Variants in DDX25 observed in about 807,000 individuals in gnomAD.
The protein encoded by DDX25 is ATP-dependent RNA helicase DDX25.
Under a neutral mutation model 64.6 loss-of-function variants are expected in DDX25, and 70 were observed. The ratio of observed to expected loss-of-function variants is 1.08; its 90% CI spans 0.89 to 1.32. The LOEUF is 1.32. DDX25 is among the 40% of genes most tolerant of loss of function. DDX25 has a pLI of 0.00. For missense variants in DDX25, 587 were observed against 604.4 expected, an observed-to-expected ratio of 0.97 and a Z score of 0.30; for synonymous variants, 211 against 213.3, an observed-to-expected ratio of 0.99 and a Z score of 0.09.
Position 125,904,509 on chromosome 11 carries a change from A to G in DDX25, c.-9A>G, listed in dbSNP as rs2134270162. 1.3e-6 allele frequency: 2 copies of G among 1,484,240 alleles called. No homozygotes were observed. The highest frequency in any genetic ancestry group is 2.6e-5 in the East Asian group (1 of 37,914). 91.9% of individuals were successfully genotyped at this position (1,484,240 alleles called of 1,614,324 possible). On this transcript the variant is annotated 5_prime_UTR_variant, in exon 1 of 12. Transcript: ENST00000263576. ...GCACGTGCTGGGGGCGGGAGCAGCA[A>G]TCGCAGCCATGGCGTCGTTACTGTG...
At position 125,927,820 on chromosome 11, in the gene DDX25, A is replaced by G. The variant is rs1366800535; in HGVS notation, c.*4939A>G. ...TCAATCAGAAGATGAATAGTTAATC[A>G]GATGCTGTAGTTCTGGTTCTTGAAT... On this transcript the variant is annotated 3_prime_UTR_variant, in exon 12 of 12. Coordinates refer to ENST00000263576, the MANE Select transcript of DDX25 (RefSeq NM_013264.5). 1 of 152,202 alleles carries G rather than the reference A, an allele frequency of 6.6e-6. No individual in the cohort carries two copies. The highest frequency in any genetic ancestry group is 1.5e-5 in the Non-Finnish European group (1 of 68,042). 9.4% of individuals were successfully genotyped at this position (152,202 alleles called of 1,614,324 possible).
chr11:125,918,802 A>C lies in DDX25; in HGVS notation c.1201+12A>C. 1.3e-6 allele frequency: 2 copies of C among 1,554,082 alleles called. No individual in the cohort carries two copies. Among genetic ancestry groups the C allele is most frequent in the Non-Finnish European group, 1.7e-6 (2 of 1,147,060 alleles). Reference sequence around the variant, plus strand: ...TGTTTGTGCCCGAGGTGTGTGTTAAAAGTCAGGTCTTGAGTTCTAATTTGC... The same window carrying C: ...TGTTTGTGCCCGAGGTGTGTGTTAACAGTCAGGTCTTGAGTTCTAATTTGC... On this transcript the variant is annotated intron_variant, in intron 10 of 11. Transcript: ENST00000263576.
chr11:125,927,913 C>CCTA lies in DDX25; in HGVS notation c.*5034_*5036dup, dbSNP rs1362554113. On this transcript the variant is annotated 3_prime_UTR_variant, in exon 12 of 12. Transcript: ENST00000263576. ...TTCTAAGATACCATGTTTCCATGACCCTACACACAATAGCTACACAGGTGG... is the reference window on the plus strand; with the variant it reads ...TTCTAAGATACCATGTTTCCATGACCCTACTACACACAATAGCTACACAGGTGG... The CCTA allele has an allele frequency of 6.6e-6, 1 of 152,100 alleles. No homozygotes were observed. Among genetic ancestry groups the CCTA allele is most frequent in the East Asian group, 1.9e-4 (1 of 5,188 alleles). 9.4% of individuals were successfully genotyped at this position (152,100 alleles called of 1,614,324 possible).
chr11:125,907,326 T>G (rs540109308), intron 4 of DDX25, among the ~76,000 whole-genome samples: 1 of 152,160 alleles, frequency 6.6e-6, no homozygotes, highest in African/African-American at 2.4e-5. Flanking sequence ...GTTGAAGTGT[T>G]GGCCGGGCGC....
At chr11:125,904,460 C>T (rs1436080863), upstream of DDX25, 2 of 1,436,652 alleles carry the variant, frequency 1.4e-6, no homozygotes. Flanking sequence ...ATGGGGCCAG[C>T]ACCGCCTCGC....
rs779939645 is a variant in DDX25, at chr11:125,923,184, C to T, written c.*303C>T. ...TTTGGTTGATACAATCTGAGCAGAT[C>T]GTGCCTCTTGGGAGCATCTTACTGT... On this transcript the variant is annotated 3_prime_UTR_variant, in exon 12 of 12. Transcript: ENST00000263576. 13 of 263,920 alleles carry T rather than the reference C, an allele frequency of 4.9e-5. No individual in the cohort carries two copies. Among genetic ancestry groups the T allele is most frequent in the Admixed American group, 2.1e-4 (4 of 19,328 alleles). The allele number at this position is 263,920 out of a possible 1,614,324, so 16.3% of individuals were successfully genotyped here. A position where few individuals can be genotyped will look rare whatever the true frequency, so the allele number is the denominator to read the frequency against.
In DDX25 at chr11:125,924,312, G is replaced by A. The variant is rs757605282; in HGVS notation, c.*1431G>A. ...CCTCATTTAGCAACAGATATTTATT[G>A]TATACCCTTTATGCCAAACACCAGG... is the stretch of plus-strand genomic sequence containing the variant. On this transcript the variant is annotated 3_prime_UTR_variant, in exon 12 of 12. Transcript: ENST00000263576. 2 of 152,324 alleles carry A rather than the reference G, an allele frequency of 1.3e-5. No individual in the cohort carries two copies. Among genetic ancestry groups the A allele is most frequent in the East Asian group, 3.9e-4 (2 of 5,176 alleles). The allele number at this position is 152,324 out of a possible 1,614,324, so 9.4% of individuals were successfully genotyped here.
chr11:125,916,724 G>A (rs1945042458), intron 8 of DDX25, among the ~76,000 whole-genome samples: 2 of 152,142 alleles, frequency 1.3e-5, no homozygotes, highest in African/African-American at 2.4e-5. Context: ...TTGTGGCTGC[G>A]TGAGTCTGCC....
At chr11:125,903,633 G>A (rs1017003699), upstream of DDX25, among the ~76,000 whole-genome samples, 17 of 152,022 alleles carry the variant, frequency 1.1e-4, no homozygotes, top group Admixed American at 1.1e-3. Flanking sequence ...AACAGAGCGG[G>A]GAGCGTTGCT....
intron 1 of DDX25, 106 bp downstream of exon 1, chr11:125,904,686 G>T: frequency 7.9e-7 from 1 of 1,263,466 alleles, no homozygotes. Context: ...TTCGAAGTGG[G>T]GCGTCAGATG....
intron 8 of DDX25, among the ~76,000 whole-genome samples, chr11:125,913,193 T>A (rs1326680865): frequency 6.6e-6 from 1 of 152,226 alleles, no homozygotes; most frequent in Non-Finnish European, 1.5e-5. Context: ...TTTCTCTTTT[T>A]TCCTGCCAAT....
rs75861163 is a variant in DDX25, at chr11:125,912,247, T to C, written c.800+759T>C. Among the ~76,000 whole-genome samples, 519 of 152,292 alleles carry C rather than the reference T, an allele frequency of 3.4e-3. 19 individuals are homozygous for C. In the East Asian group the frequency reaches 0.079, roughly 23 times the overall value. The stretch of plus-strand genomic sequence containing the variant: ...TCAACTGATTTCCCATTATAGGAAG[T>C]GGGAATTGAGTTCTTTGAAAACACC... On this transcript the variant is annotated intron_variant, in intron 8 of 11. Coordinates refer to ENST00000263576, the MANE Select transcript of DDX25 (RefSeq NM_013264.5).
chr11:125,906,278 G>A, intron 4 of DDX25, 69 bp downstream of exon 4: 10 of 1,445,642 alleles, frequency 6.9e-6, no homozygotes, highest in Non-Finnish European at 9.1e-6. Flanking sequence ...TCTGCTTATA[G>A]TAAAAACCAT....
In DDX25 at chr11:125,922,856, A is replaced by C; in HGVS notation, c.1427A>C (p.Asp476Ala). 6.2e-7 allele frequency: 1 copy of C among 1,609,638 alleles called. No homozygotes were observed. The highest frequency in any genetic ancestry group is 1.1e-5 in the South Asian group (1 of 89,994). ...SIKQLNAEDM[D>A]EIEKIDY ...AAGCAACTCAACGCTGAAGACATGGATGAAATTGAAAAGATTGACTATTGA... is the reference window on the plus strand; with the variant it reads ...AAGCAACTCAACGCTGAAGACATGGCTGAAATTGAAAAGATTGACTATTGA... The change falls in exon 12 of 12, where the codon GAT (aspartate) becomes GCT (alanine). Residue 476 changes from aspartate to alanine, a missense_variant. By Grantham distance (126) the Asp-to-Ala change is moderately radical. Coordinates refer to ENST00000263576, the MANE Select transcript of DDX25 (RefSeq NM_013264.5).
intron 1 of DDX25, 36 bp from the exon 2 acceptor site, chr11:125,905,176 A>C: frequency 4.5e-6 from 7 of 1,547,824 alleles, no homozygotes; most frequent in Non-Finnish European, 6.1e-6. Context: ...GAGGGCTTGC[A>C]TCCTAATATT....
upstream of DDX25, among the ~76,000 whole-genome samples, chr11:125,903,632 G>T (rs1944831109): frequency 6.6e-6 from 1 of 152,132 alleles, no homozygotes; most frequent in African/African-American, 2.4e-5. Context: ...GAACAGAGCG[G>T]GGAGCGTTGC....
At chr11:125,904,602 G>A in intron 1 of DDX25, 22 bp downstream of exon 1, 7 of 1,451,858 alleles carry the variant, frequency 4.8e-6, no homozygotes, top group African/African-American at 1.4e-5. Context: ...CGAGCCGGGG[G>A]GCCACAGCCG....
intron 8 of DDX25, among the ~76,000 whole-genome samples, chr11:125,913,559 T>C (rs1944993902): frequency 6.6e-6 from 1 of 152,188 alleles, no homozygotes; most frequent in Non-Finnish European, 1.5e-5. Flanking sequence ...ATTAATATCC[T>C]CAGCTTCCAC....
rs1945160215 is a variant in DDX25 at position 125,925,641 on chromosome 11, A to C, written c.*2760A>C. The C allele has an allele frequency of 2.8e-6, 1 of 353,958 alleles. No homozygotes were observed. Among genetic ancestry groups the C allele is most frequent in the Non-Finnish European group, 5.7e-6 (1 of 174,766 alleles). 21.9% of individuals were successfully genotyped at this position (353,958 alleles called of 1,614,324 possible). A position where few individuals can be genotyped will look rare whatever the true frequency, so the allele number is the denominator to read the frequency against. On this transcript the variant is annotated 3_prime_UTR_variant, in exon 12 of 12. Coordinates refer to ENST00000263576, the MANE Select transcript of DDX25 (RefSeq NM_013264.5). ...TTTCTTGGCACCAAATACTAAACCA[A>C]ATCCGTTAAGTTTATCTTGGCCAGC...
Sources: gnomAD v4.1 joint callset for allele counts (sites outside exome capture counted in the v4.1 genomes callset) on GRCh38, gnomAD v4.1.1 for gene constraint, MANE v1.5 for transcripts, NCBI Gene and HGNC (gene_info 2026-07-23, HGNC 2026-07-21) for gene names.